The following SCAI variants were observed in gnomAD, a reference collection of about 807,000 sequenced individuals.
SCAI encodes protein SCAI.
A neutral mutation model predicts 92.2 loss-of-function variants in SCAI; 24 were observed. The observed-to-expected ratio is 0.26, with a 90% confidence interval of 0.19 to 0.37. The LOEUF (loss-of-function observed/expected upper bound fraction) is 0.37. Among genes scored for constraint, SCAI ranks in the 10% least tolerant of loss-of-function variants. The probability of loss-of-function intolerance (pLI) is 1.00; values close to 1 mark genes in which losing one functional copy is unlikely to be tolerated. For synonymous variants in SCAI, 261 were observed against 258.6 expected (o/e 1.01, Z -0.09); for missense variants, 450 against 736.2 (o/e 0.61, Z 4.50).
intron 15 of SCAI, among the ~76,000 whole-genome samples, chr9:124,974,636 T>C (rs190496564): frequency 2.6e-5 from 4 of 152,270 alleles, no homozygotes; most frequent in Non-Finnish European, 5.9e-5. Context: ...CAGAAGAATT[T>C]TGAATCTGCT....
intron 7 of SCAI, among the ~76,000 whole-genome samples, chr9:125,019,885 G>A (rs781212880): frequency 4.3e-4 from 65 of 151,810 alleles, no homozygotes; most frequent in Non-Finnish European, 8.4e-4. Context: ...ACCAGCCTGG[G>A]CAACATGGTG....
chr9:125,011,619 T>C (rs1832642592), intron 9 of SCAI, among the ~76,000 whole-genome samples: 1 of 152,190 alleles, frequency 6.6e-6, no homozygotes, highest in Admixed American at 6.5e-5. Context: ...GCGGATATTA[T>C]CCAGGAGAAC....
chr9:125,122,810 G>A (rs1394667647), intron 2 of SCAI, among the ~76,000 whole-genome samples: 1 of 152,100 alleles, frequency 6.6e-6, no homozygotes, highest in Non-Finnish European at 1.5e-5. Context: ...AGAGGCTAGG[G>A]TGGGAGGATT....
rs1588200643 is a variant in SCAI at position 125,075,514 on chromosome 9, C to T, written c.99-19507G>A. 2.0e-5 allele frequency among the ~76,000 whole-genome samples: 3 copies of T among 151,730 alleles called. No homozygotes were observed. The South Asian group carries it at 6.2e-4, about 32-fold the overall frequency. ...CCAGGTTTAAGCAATTCTCCTGCCT[C>T]AGGCTCCCAAGTAGCTGGGATTATA... On this transcript the variant is annotated intron_variant, in intron 2 of 17. Coordinates refer to ENST00000336505, the MANE Select transcript of SCAI (RefSeq NM_001144877.3).
chr9:125,018,748 G>C (rs1450292589), intron 9 of SCAI, 51 bp downstream of exon 9: 3 of 1,432,960 alleles, frequency 2.1e-6, no homozygotes, highest in Admixed American at 2.0e-5. Context: ...ATCATCAATA[G>C]CACTATTTTT....
intron 17 of SCAI, among the ~76,000 whole-genome samples, chr9:124,954,844 T>C (rs1295449962): frequency 6.6e-6 from 1 of 152,114 alleles, no homozygotes; most frequent in African/African-American, 2.4e-5. Flanking sequence ...GGACATTCCA[T>C]ATAAATAAGT....
chr9:125,106,827 G>T (rs1834811702), intron 2 of SCAI, among the ~76,000 whole-genome samples: 1 of 137,890 alleles, frequency 7.3e-6, no homozygotes, highest in African/African-American at 2.7e-5. Context: ...TCCCACCTCA[G>T]CCTCCCAAGT....
At chr9:125,128,379 TG>T (rs982314401) in intron 2 of SCAI, among the ~76,000 whole-genome samples, 3 of 151,548 alleles carry the variant, frequency 2.0e-5, no homozygotes, top group African/African-American at 7.3e-5. Context: ...CAGCACTTTG[TG>T]GAGCTGAGGC....
At chr9:125,126,764 A>G (rs970593053) in intron 2 of SCAI, among the ~76,000 whole-genome samples, 2 of 152,222 alleles carry the variant, frequency 1.3e-5, no homozygotes, top group South Asian at 4.1e-4. Context: ...AGGGAAAATC[A>G]AATCATTTTT....
intron 2 of SCAI, among the ~76,000 whole-genome samples, chr9:125,133,552 C>T (rs1835450333): frequency 6.6e-6 from 1 of 152,114 alleles, no homozygotes; most frequent in Non-Finnish European, 1.5e-5. Flanking sequence ...AAAAGATACT[C>T]AACATTATCA....
intron 11 of SCAI, among the ~76,000 whole-genome samples, chr9:125,002,499 T>TTTTTTTTTTTTTTTTA (rs1554779235): frequency 6.1e-5 from 9 of 147,312 alleles, no homozygotes; most frequent in Non-Finnish European, 1.2e-4. Context: ...TTTTTTTTTT[T>TTTTTTTTTTTTTTTTA]GAAACAGAGT....
At chr9:125,063,754 CT>C (rs367915695) in intron 2 of SCAI, among the ~76,000 whole-genome samples, 264 of 139,630 alleles carry the variant, frequency 1.9e-3, no homozygotes, top group Non-Finnish European at 1.9e-3. Flanking sequence ...TCCCTTTTAT[CT>C]TTTTTTTTTT....
chr9:125,062,797 G>A lies in SCAI; in HGVS notation c.99-6790C>T, dbSNP rs372383295. ...AGCACTTTGGGAGGCTGAGATGGGT[G>A]GATCATGAGGTCAGGAGATCAAGAA... On this transcript the variant is annotated intron_variant, in intron 2 of 17. Transcript: ENST00000336505. Among the ~76,000 whole-genome samples the A allele has an allele frequency of 1.0e-3, 154 of 151,738 alleles. 4 individuals carry two copies. The South Asian group carries it at 0.031, about 31-fold the overall frequency.
At chr9:125,104,605 A>T (rs1271464641) in intron 2 of SCAI, among the ~76,000 whole-genome samples, 5 of 54,596 alleles carry the variant, frequency 9.2e-5, no homozygotes, top group Non-Finnish European at 1.3e-4. Context: ...TTTTACTTTA[A>T]AAAAAAAAAA....
intron 2 of SCAI, among the ~76,000 whole-genome samples, chr9:125,102,733 G>A (rs1834703198): frequency 6.6e-6 from 1 of 152,090 alleles, no homozygotes; most frequent in African/African-American, 2.4e-5. Context: ...AAGTAGCTGG[G>A]ATTACAGGAC....
chr9:125,095,651 T>G (rs1244765242), intron 2 of SCAI, among the ~76,000 whole-genome samples: 1 of 152,242 alleles, frequency 6.6e-6, no homozygotes, highest in East Asian at 1.9e-4. Context: ...GGTGAAGTGA[T>G]GTAACTTTGA....
At chr9:125,089,461 A>G (rs528313202) in intron 2 of SCAI, among the ~76,000 whole-genome samples, 5 of 152,298 alleles carry the variant, frequency 3.3e-5, no homozygotes, top group African/African-American at 1.2e-4. Context: ...TAACCCATAC[A>G]AAGATGAAAG....
chr9:125,137,003 C>T (rs529747486), intron 2 of SCAI, among the ~76,000 whole-genome samples: 67 of 144,376 alleles, frequency 4.6e-4, no homozygotes, highest in African/African-American at 1.6e-3. Flanking sequence ...GTGATCCACC[C>T]GCCTCGGCCT....
intron 2 of SCAI, among the ~76,000 whole-genome samples, chr9:125,072,623 C>A (rs74636210): frequency 0.023 from 3,529 of 152,188 alleles, 145 homozygotes; most frequent in African/African-American, 0.081. Context: ...ATAGCCATCA[C>A]CACCATCCAT....
Sources: allele counts gnomAD v4.1 joint callset (sites outside exome capture counted in the v4.1 genomes callset), GRCh38; gene constraint gnomAD v4.1.1; transcripts MANE v1.5; gene names NCBI Gene and HGNC (gene_info 2026-07-23, HGNC 2026-07-21).